The following TCEA3 variants were observed in gnomAD, a reference collection of about 807,000 sequenced individuals.
TCEA3 encodes the protein transcription elongation factor A3, also known as transcription elongation factor A protein 3.
In TCEA3, 36 loss-of-function variants were observed where a neutral mutation model predicts 44.0. The ratio of observed to expected loss-of-function variants is 0.82; its 90% CI spans 0.63 to 1.08. TCEA3 has a LOEUF of 1.08. Among genes scored for constraint, TCEA3 ranks in the 50% least tolerant of loss-of-function variants. TCEA3 has a pLI of 0.00. For missense variants in TCEA3, 392 were observed against 441.2 expected (o/e 0.89, Z 1.00); for synonymous variants, 162 against 159.7 (o/e 1.01, Z -0.11).
In TCEA3 at chr1:23,382,050, T is replaced by TA; in HGVS notation, c.1039-577_1039-576insT. On this transcript the variant is annotated intron_variant, in intron 10 of 10. Coordinates refer to ENST00000450454, the MANE Select transcript of TCEA3 (RefSeq NM_003196.3). ...AGATAGGCACTAATATCACTCCCAA[T>TA]TTTTTTTTTTTTTTTGAAACGGAGT... 1.8e-4 allele frequency among the ~76,000 whole-genome samples: 4 copies of TA among 22,332 alleles called. 1 individual carries two copies. In the South Asian group the frequency reaches 4.8e-3, roughly 27 times the overall value. 14.7% of individuals were successfully genotyped at this position (22,332 alleles called of 152,430 possible). A position where few individuals can be genotyped will look rare whatever the true frequency, so the allele number is the denominator to read the frequency against.
intron 8 of TCEA3, among the ~76,000 whole-genome samples, chr1:23,391,235 C>A (rs1486061135): frequency 1.3e-5 from 2 of 149,218 alleles, no homozygotes; most frequent in African/African-American, 4.9e-5. Context: ...GCCTCAGCCT[C>A]CCGAGTAGCT....
intron 1 of TCEA3, among the ~76,000 whole-genome samples, chr1:23,420,312 G>T (rs1025083287): frequency 1.3e-5 from 2 of 152,210 alleles, no homozygotes; most frequent in African/African-American, 4.8e-5. Context: ...CACAATCACA[G>T]TTCACTGCAG....
chr1:23,386,249 A>G (rs1375522200), intron 9 of TCEA3, among the ~76,000 whole-genome samples: 2 of 152,208 alleles, frequency 1.3e-5, no homozygotes, highest in African/African-American at 4.8e-5. Context: ...TCTGTCACCC[A>G]GGCTGGAGTG....
intron 5 of TCEA3, among the ~76,000 whole-genome samples, chr1:23,404,583 G>C (rs1639489266): frequency 6.6e-6 from 1 of 151,942 alleles, no homozygotes; most frequent in Non-Finnish European, 1.5e-5. Context: ...TGGCCTTACA[G>C]GTCAAAAATG....
At chr1:23,412,203 C>CTTT (rs1209565512) in intron 4 of TCEA3, 1 of 152,176 alleles carries the variant, frequency 6.6e-6, no homozygotes, top group Non-Finnish European at 1.5e-5. Context: ...ATTTCCAAAT[C>CTTT]ACGTATAATC....
chr1:23,419,625 C>A (rs1369270920), intron 1 of TCEA3, among the ~76,000 whole-genome samples: 1 of 152,094 alleles, frequency 6.6e-6, no homozygotes, highest in African/African-American at 2.4e-5. Flanking sequence ...TCACTTGAGG[C>A]CAGGAGTTCA....
intron 6 of TCEA3, 63 bp from the exon 7 acceptor site, chr1:23,397,664 G>A: frequency 6.2e-7 from 1 of 1,603,964 alleles, no homozygotes; most frequent in Non-Finnish European, 8.5e-7. Flanking sequence ...AAGCCTGCTT[G>A]TACCTGGGAC....
chr1:23,404,158 G>C, intron 5 of TCEA3: 1 of 702,338 alleles, frequency 1.4e-6, no homozygotes, highest in Non-Finnish European at 2.6e-6. Flanking sequence ...CAGCGAGCAT[G>C]CTCTGCAAAT....
At chr1:23,393,770 A>G (rs1375662260) in intron 8 of TCEA3, 109 bp downstream of exon 8, 1 of 1,435,694 alleles carries the variant, frequency 7.0e-7, no homozygotes, top group Non-Finnish European at 9.2e-7. Flanking sequence ...GCTGGTTTGA[A>G]AAGCTCCCTG....
Position 23,384,406 on chromosome 1 carries a change from G to T in TCEA3, c.978C>A (p.Arg326=), listed in dbSNP as rs1182271098. Residue 326 remains arginine (R), a synonymous_variant, in exon 10 of 11, where the codon CGC becomes CGA. Coordinates refer to ENST00000450454, the MANE Select transcript of TCEA3 (RefSeq NM_003196.3). ...AGGTAGTCATGGGCTCATCAGCACTGCGTGTCTGCACCTGAGAGAGAGAAG... is the reference window on the plus strand; with the variant it reads ...AGGTAGTCATGGGCTCATCAGCACTTCGTGTCTGCACCTGAGAGAGAGAAG... ...KNCTYNQVQT[R]SADEPMTTFV... 1 of 1,613,060 alleles carries T rather than the reference G, an allele frequency of 6.2e-7. No individual in the cohort carries two copies. Among genetic ancestry groups the T allele is most frequent in the East Asian group, 2.2e-5 (1 of 44,872 alleles).
At chr1:23,392,325 T>C (rs1207363514) in intron 8 of TCEA3, among the ~76,000 whole-genome samples, 2 of 56,272 alleles carry the variant, frequency 3.6e-5, no homozygotes, top group South Asian at 1.1e-3. Flanking sequence ...ACACACATAC[T>C]TCACATGACA....
chr1:23,416,225 C>T (rs1381533662), intron 4 of TCEA3, among the ~76,000 whole-genome samples: 2 of 151,946 alleles, frequency 1.3e-5, no homozygotes, highest in African/African-American at 2.4e-5. Context: ...AGGCTGGTCT[C>T]GAACTCCCAA....
In TCEA3 at chr1:23,404,754, T is replaced by G. The variant is rs1039022306; in HGVS notation, c.443+3910A>C. ...CAGGAGGATTTCTTGAGCCCAGGAG[T>G]TCGAGACCAGCCTGGGCAACAAAGT... On this transcript the variant is annotated intron_variant, in intron 5 of 10. Coordinates refer to ENST00000450454, the MANE Select transcript of TCEA3 (RefSeq NM_003196.3). Among the ~76,000 whole-genome samples the G allele has an allele frequency of 1.3e-5, 2 of 150,780 alleles. 1 individual carries two copies. The highest frequency in any genetic ancestry group is 3.0e-5 in the Non-Finnish European group (2 of 67,624).
chr1:23,424,538 G>T, intron 1 of TCEA3, 27 bp downstream of exon 1: 4 of 1,596,302 alleles, frequency 2.5e-6, no homozygotes, highest in Non-Finnish European at 3.4e-6. Flanking sequence ...GGGGGCGGGG[G>T]CCGTGGCCCA....
intron 1 of TCEA3, among the ~76,000 whole-genome samples, chr1:23,422,661 G>A (rs1053600091): frequency 5.9e-5 from 9 of 152,090 alleles, no homozygotes; most frequent in African/African-American, 1.9e-4. Flanking sequence ...AGGCGCAGAC[G>A]TGGCTGTAAA....
At position 23,387,310 on chromosome 1, in the gene TCEA3, C is replaced by T; in HGVS notation, c.929G>A (p.Cys310Tyr). Residue 310 changes from cysteine to tyrosine, a missense_variant, in exon 9 of 11, where the codon TGC becomes TAC. Transcript: ENST00000450454. ...TGGTTTDLFQ[C>Y]SKCKKKNCTY... ...GCAGTTCTTCTTCTTGCATTTGCTGCACTGGAAGAGGTCAGTGGTGGTGCC... is the reference window on the plus strand; with the variant it reads ...GCAGTTCTTCTTCTTGCATTTGCTGTACTGGAAGAGGTCAGTGGTGGTGCC... The T allele has an allele frequency of 6.2e-7, 1 of 1,613,966 alleles. No individual in the cohort carries two copies. Among genetic ancestry groups the T allele is most frequent in the South Asian group, 1.1e-5 (1 of 91,070 alleles).
Position 23,424,687 on chromosome 1 carries a change from CG to C in TCEA3, c.-55del. ...GGGCACAGGGGCAGCAGTAGGGCCT[CG>C]GGGGCAGGAGGCGCGAAGGCGGAGG... On this transcript the variant is annotated 5_prime_UTR_variant, in exon 1 of 11. Coordinates refer to ENST00000450454, the MANE Select transcript of TCEA3 (RefSeq NM_003196.3). 1.4e-6 allele frequency: 2 copies of C among 1,448,954 alleles called. No individual in the cohort carries two copies. The highest frequency in any genetic ancestry group is 1.8e-5 in the Admixed American group (1 of 54,714). 89.8% of individuals were successfully genotyped at this position (1,448,954 alleles called of 1,614,324 possible). A position where few individuals can be genotyped will look rare whatever the true frequency, so the allele number is the denominator to read the frequency against.
At chr1:23,417,086 A>G (rs1036702496) in intron 4 of TCEA3, among the ~76,000 whole-genome samples, 163 bp downstream of exon 4, 4 of 152,204 alleles carry the variant, frequency 2.6e-5, no homozygotes, top group Non-Finnish European at 4.4e-5. Flanking sequence ...TGAGTCTAAC[A>G]TCTGGTTGAG....
intron 4 of TCEA3, among the ~76,000 whole-genome samples, chr1:23,415,972 A>AT (rs971793474): frequency 1.0e-4 from 12 of 115,582 alleles, no homozygotes; most frequent in South Asian, 2.8e-4. Context: ...AATGTGGGTG[A>AT]TTTTTTTTTC....
Sources: allele counts gnomAD v4.1 joint callset (sites outside exome capture counted in the v4.1 genomes callset), GRCh38; gene constraint gnomAD v4.1.1; transcripts MANE v1.5; gene names NCBI Gene and HGNC (gene_info 2026-07-23, HGNC 2026-07-21).